Variants in SORBS2 observed in about 807,000 individuals in gnomAD.
SORBS2 encodes sorbin and SH3 domain containing 2, also known as sorbin and SH3 domain-containing protein 2.
A neutral mutation model predicts 97.7 loss-of-function variants in SORBS2; 46 were observed. The observed-to-expected ratio is 0.47, with a 90% CI of 0.37 to 0.60. The LOEUF (loss-of-function observed/expected upper bound fraction) is 0.60, where lower values mean the gene tolerates loss of function less well. Among genes scored for constraint, SORBS2 ranks in the 20% least tolerant of loss-of-function variants. SORBS2 has a pLI of 0.00. For synonymous variants in SORBS2, 476 were observed against 473.4 expected (o/e 1.01, Z -0.07); for missense variants, 1,316 against 1,282.3 (o/e 1.03, Z -0.40).
At chr4:185,603,253 A>C (rs997448329) in intron 12 of SORBS2, among the ~76,000 whole-genome samples, 1 of 151,686 alleles carries the variant, frequency 6.6e-6, no homozygotes, top group Non-Finnish European at 1.5e-5. Context: ...CAAGTTAAAA[A>C]AAAAGACAAG....
chr4:185,940,956 T>G (rs531152233), intron 1 of SORBS2, among the ~76,000 whole-genome samples: 1 of 152,038 alleles, frequency 6.6e-6, no homozygotes, highest in Non-Finnish European at 1.5e-5. Flanking sequence ...TTACTGGGAG[T>G]TGCTACTGGC....
chr4:185,646,901 G>A, intron 3 of SORBS2, 119 bp from the exon 13 acceptor site: 1 of 636,714 alleles, frequency 1.6e-6, no homozygotes, highest in Non-Finnish European at 2.7e-6. Flanking sequence ...AATCTCTCAG[G>A]ATAAAAAGTT....
At chr4:185,945,823 G>C (rs35811278) in intron 1 of SORBS2, among the ~76,000 whole-genome samples, 8 of 151,960 alleles carry the variant, frequency 5.3e-5, no homozygotes, top group African/African-American at 9.7e-5. Flanking sequence ...GGAGGGCTTC[G>C]GGCCGGAGTA....
chr4:185,750,024 G>A lies in SORBS2; in HGVS notation c.-198+25203C>T, dbSNP rs150005442. Among the ~76,000 whole-genome samples, 51 of 152,314 alleles carry A rather than the reference G, an allele frequency of 3.3e-4. 1 individual carries two copies. Among genetic ancestry groups the A allele is most frequent in the African/African-American group, 1.1e-3 (47 of 41,556 alleles). ...TAACTGTTCAAATGTCCCCACTTAC[G>A]TGGATATGTGCAAATACCACCCTCT... On this transcript the variant is annotated intron_variant, in intron 2 of 20. Coordinates refer to the SORBS2 transcript ENST00000284776.
chr4:185,666,737 A>T (rs938717019), intron 4 of SORBS2, among the ~76,000 whole-genome samples: 21 of 152,210 alleles, frequency 1.4e-4, no homozygotes, highest in African/African-American at 5.1e-4. Context: ...CACTAATTAA[A>T]TCTGTTCTTT....
At chr4:185,863,051 A>C (rs1381716089) in intron 1 of SORBS2, among the ~76,000 whole-genome samples, 1 of 152,200 alleles carries the variant, frequency 6.6e-6, no homozygotes. Flanking sequence ...TGGGACACGG[A>C]AGGAATCTTG....
chr4:185,647,412 C>CTTTTTT (rs376002220), intron 3 of SORBS2, among the ~76,000 whole-genome samples: 1 of 131,688 alleles, frequency 7.6e-6, no homozygotes, highest in Non-Finnish European at 1.6e-5. Flanking sequence ...AAGAAGGCTT[C>CTTTTTT]TTTTTTTTTT....
intron 1 of SORBS2, among the ~76,000 whole-genome samples, chr4:185,821,440 T>A (rs535454199): frequency 2.0e-5 from 3 of 152,320 alleles, no homozygotes; most frequent in East Asian, 3.9e-4. Context: ...GTTTCTTTTT[T>A]TGAGATGGAG....
chr4:185,861,143 A>G (rs1468519978), intron 1 of SORBS2, among the ~76,000 whole-genome samples: 1 of 151,922 alleles, frequency 6.6e-6, no homozygotes, highest in Non-Finnish European at 1.5e-5. Context: ...TTGTCGGCAG[A>G]TTTCTGTTTT....
Position 185,626,970 on chromosome 4 carries a change from C to T in SORBS2, c.496G>A (p.Ala166Thr), listed in dbSNP as rs762690498. The change falls in exon 6 of 15, where the codon GCA (alanine) becomes ACA (threonine). Residue 166 changes from alanine to threonine, a missense_variant. Coordinates refer to ENST00000418609, the Ensembl canonical transcript of SORBS2. ...CCCAAGCCCCGTGGTGGACCCACTG[C>T]AGGCTCGCTCTTCCTCCGCTTCCTG... 47 of 1,614,194 alleles carry T rather than the reference C, an allele frequency of 2.9e-5. 1 individual carries two copies. In the South Asian group the frequency reaches 5.0e-4, roughly 17 times the overall value.
At chr4:185,714,992 G>T (rs2098453890) in intron 2 of SORBS2, among the ~76,000 whole-genome samples, 1 of 152,260 alleles carries the variant, frequency 6.6e-6, no homozygotes, top group South Asian at 2.1e-4. Context: ...TGTGTTTTGG[G>T]TTATAAGTTA....
chr4:185,766,821 A>G (rs889806354), intron 2 of SORBS2, among the ~76,000 whole-genome samples: 2 of 152,248 alleles, frequency 1.3e-5, no homozygotes, highest in South Asian at 2.1e-4. Context: ...CACAGTAGCC[A>G]ACATGCAATG....
chr4:185,670,609 T>G (rs2097698217), intron 4 of SORBS2, among the ~76,000 whole-genome samples: 1 of 142,800 alleles, frequency 7.0e-6, no homozygotes, highest in Non-Finnish European at 1.5e-5. Flanking sequence ...TAGGAAGGGG[T>G]TTTTTTTTTT....
At chr4:185,819,222 G>C (rs2099195226) in intron 1 of SORBS2, among the ~76,000 whole-genome samples, 1 of 152,180 alleles carries the variant, frequency 6.6e-6, no homozygotes, top group Non-Finnish European at 1.5e-5. Flanking sequence ...TAGAAAATTG[G>C]CCTCATGATT....
intron 11 of SORBS2, chr4:185,614,510 T>C (rs191820645): frequency 1.3e-5 from 3 of 239,018 alleles, no homozygotes; most frequent in African/African-American, 6.8e-5. Context: ...CAACATATTT[T>C]GAAGTGTATC....
rs754275027 is a variant in SORBS2 at position 185,635,416 on chromosome 4, G to A, written c.397-4818C>T. The stretch of plus-strand genomic sequence containing the variant: ...GTCCAGAGGCTTTTTAGGAGGCTGG[G>A]TGTAGACGCACCACAGAAGCAGAAG... On this transcript the variant is annotated intron_variant, in intron 4 of 14. Transcript: ENST00000418609. The A allele has an allele frequency of 6.2e-7, 1 of 1,611,978 alleles. No individual in the cohort carries two copies. Among genetic ancestry groups the A allele is most frequent in the South Asian group, 1.1e-5 (1 of 90,968 alleles).
chr4:185,844,538 C>T (rs1402022495), intron 1 of SORBS2, among the ~76,000 whole-genome samples: 1 of 152,208 alleles, frequency 6.6e-6, no homozygotes, highest in Non-Finnish European at 1.5e-5. Context: ...GGTACAGCTA[C>T]TGTGGAAAAC....
Position 185,684,900 on chromosome 4 carries a change from C to T in SORBS2, c.-197-6078G>A. 1 of 1,300,430 alleles carries T rather than the reference C, an allele frequency of 7.7e-7. No individual in the cohort carries two copies. Among genetic ancestry groups the T allele is most frequent in the East Asian group, 2.5e-5 (1 of 39,734 alleles). The allele number at this position is 1,300,430 out of a possible 1,614,324, so 80.6% of individuals were successfully genotyped here. On this transcript the variant is annotated intron_variant, in intron 2 of 20. Transcript: ENST00000284776. The surrounding 1 kb of genome is among the most constrained non-coding windows in gnomAD (Gnocchi z 4.2). ...GCCAAGGCAACGGGAAAAGCACGTG[C>T]AATATCATGCGTTTTAAGAGAAATG...
At chr4:185,942,974 T>C (rs1351587683) in intron 1 of SORBS2, among the ~76,000 whole-genome samples, 1 of 152,244 alleles carries the variant, frequency 6.6e-6, no homozygotes, top group African/African-American at 2.4e-5. Context: ...GTTGTATATT[T>C]AATAATTAGG....
Sources: allele counts gnomAD v4.1 joint callset (sites outside exome capture counted in the v4.1 genomes callset), GRCh38; gene constraint gnomAD v4.1.1; non-coding constraint Gnocchi (gnomAD v3.1); transcripts MANE v1.5; gene names NCBI Gene and HGNC (gene_info 2026-07-23, HGNC 2026-07-21).